The following PLEKHG5 variants were observed in gnomAD, a reference collection of about 807,000 sequenced individuals.
The protein encoded by PLEKHG5 is pleckstrin homology and RhoGEF domain containing G5, also known as pleckstrin homology domain-containing family G member 5.
Under a neutral mutation model 103.8 loss-of-function variants are expected in PLEKHG5, and 52 were observed. The observed-to-expected ratio is 0.50, with a 90% CI of 0.40 to 0.63. The LOEUF is 0.63. PLEKHG5 is among the 30% of genes least tolerant of loss of function. PLEKHG5 has a pLI of 0.00. For synonymous variants in PLEKHG5, 592 were observed against 575.5 expected (o/e 1.03, Z -0.41); for missense variants, 1,205 against 1,347.6 (o/e 0.89, Z 1.66).
chr1:6,471,593 C>G lies in PLEKHG5; in HGVS notation c.1176G>C (p.Gln392His). Residue 392 changes from glutamine to histidine, a missense_variant, in exon 12 of 21, where the codon CAG becomes CAC. Transcript: ENST00000377728. Reference protein sequence around the residue: ...RLFSNIPEIAQLHRRLWASVM... With the variant: ...RLFSNIPEIAHLHRRLWASVM... ...CGCTAGCCCACAGCCTGCGGTGCAGCTGCGCGATCTCCGGGATGTTGCTGA... is the reference window on the plus strand; with the variant it reads ...CGCTAGCCCACAGCCTGCGGTGCAGGTGCGCGATCTCCGGGATGTTGCTGA... 1 of 1,597,342 alleles carries G rather than the reference C, an allele frequency of 6.3e-7. No individual in the cohort carries two copies. Among genetic ancestry groups the G allele is most frequent in the African/African-American group, 1.3e-5 (1 of 74,820 alleles).
chr1:6,471,466 C>A, intron 12 of PLEKHG5, 22 bp downstream of exon 12: 1 of 1,606,208 alleles, frequency 6.2e-7, no homozygotes, highest in South Asian at 1.1e-5. Flanking sequence ...GTGCCCCCGC[C>A]TGCGCCCGGC....
rs915114221 is a variant in PLEKHG5 at position 6,471,379 on chromosome 1, G to A, written c.1281+109C>T. The A allele has an allele frequency of 2.3e-6, 3 of 1,288,126 alleles. No individual in the cohort carries two copies. In the South Asian group the frequency reaches 4.3e-5, roughly 19 times the overall value. The allele number at this position is 1,288,126 out of a possible 1,614,324, so 79.8% of individuals were successfully genotyped here. ...GCCACAAGGGGTCAAGTGCGGTTAC[G>A]GGCCTGGGGGAGGTTGGGGATGCTG... On this transcript the variant is annotated intron_variant, in intron 12 of 20. Transcript: ENST00000377728.
At chr1:6,509,348 G>A (rs535105392) in intron 1 of PLEKHG5, among the ~76,000 whole-genome samples, 14 of 152,380 alleles carry the variant, frequency 9.2e-5, no homozygotes, top group Middle Eastern at 3.4e-3. Context: ...GCTTCATCCC[G>A]TTCCTGGCAA....
intron 3 of PLEKHG5, 117 bp from the exon 4 acceptor site, chr1:6,475,639 C>A: frequency 1.1e-6 from 1 of 918,564 alleles, no homozygotes; most frequent in Non-Finnish European, 1.8e-6. Flanking sequence ...AGGTAACCCG[C>A]GTGGATTCAA....
Position 6,516,786 on chromosome 1 carries a change from T to TGTGTA in PLEKHG5, c.-165+2658_-165+2659insTACAC, listed in dbSNP as rs200942738. On this transcript the variant is annotated intron_variant, in intron 1 of 21. Transcript: ENST00000377740. ...ATATGTGTATATATATGTGTGTGTGTTATATATATGTGTATATATATGTGT... is the reference window on the plus strand; with the variant it reads ...ATATGTGTATATATATGTGTGTGTGTGTGTATATATATATGTGTATATATATGTGT... Among the ~76,000 whole-genome samples, 349 of 85,264 alleles carry TGTGTA rather than the reference T, an allele frequency of 4.1e-3. 5 individuals carry two copies. The highest frequency in any genetic ancestry group is 0.012 in the African/African-American group (336 of 27,822). The allele number at this position is 85,264 out of a possible 152,430, so 55.9% of individuals were successfully genotyped here. A position where few individuals can be genotyped will look rare whatever the true frequency, so the allele number is the denominator to read the frequency against.
chr1:6,503,268 C>A (rs1645315766), intron 1 of PLEKHG5, among the ~76,000 whole-genome samples: 1 of 152,130 alleles, frequency 6.6e-6, no homozygotes, highest in African/African-American at 2.4e-5. Context: ...CATTAAAAAA[C>A]CAGCAGGGCC....
chr1:6,506,969 G>A (rs1047022544), intron 1 of PLEKHG5, among the ~76,000 whole-genome samples: 5 of 152,246 alleles, frequency 3.3e-5, no homozygotes, highest in South Asian at 4.1e-4. Flanking sequence ...GCTCCCGAGC[G>A]GCGGGTGGAG....
rs552383826 is a variant in PLEKHG5 at position 6,480,454 on chromosome 1, G to A, written c.-87-2796C>T. ...CTGAGGCAGGAGAATTGCTTGAACC[G>A]GGGGCAGAGGTTGCAGTGAGCCGAG... On this transcript the variant is annotated intron_variant, in intron 1 of 20. Transcript: ENST00000377728. Among the ~76,000 whole-genome samples, 1,452 of 149,718 alleles carry A rather than the reference G, an allele frequency of 9.7e-3. 27 individuals carry two copies. The highest frequency in any genetic ancestry group is 0.034 in the African/African-American group (1,379 of 40,644).
rs1189305190 is a variant in PLEKHG5, at chr1:6,487,807, T to C, written c.-88+3830A>G. Among the ~76,000 whole-genome samples the C allele has an allele frequency of 1.3e-5, 2 of 152,230 alleles. No individual in the cohort carries two copies. Among genetic ancestry groups the C allele is most frequent in the Non-Finnish European group, 2.9e-5 (2 of 68,046 alleles). ...CATTCTTCCCTACCAGACTGTCCTC[T>C]CCAGAAGCCAGCGCCTTGGCCGTCT... On this transcript the variant is annotated intron_variant, in intron 1 of 20. Coordinates refer to ENST00000377728, the MANE Select transcript of PLEKHG5 (RefSeq NM_020631.6). This position sits in a 1 kb window ranked among gnomAD's most constrained non-coding sequence, Gnocchi z 4.1.
intron 20 of PLEKHG5, 104 bp downstream of exon 20, chr1:6,467,721 C>A: frequency 6.6e-7 from 1 of 1,509,394 alleles, no homozygotes; most frequent in Non-Finnish European, 9.2e-7. Flanking sequence ...AGGGTTCAGG[C>A]TCCCTCCGCC....
In PLEKHG5 at chr1:6,468,257, C is replaced by T. The variant is rs765235144; in HGVS notation, c.2579G>A (p.Arg860His). The T allele has an allele frequency of 7.8e-5, 125 of 1,602,382 alleles. No homozygotes were observed. The highest frequency in any genetic ancestry group is 1.0e-4 in the Non-Finnish European group (122 of 1,172,790). Reference sequence around the variant, plus strand: ...GCTCAACAGCTGGACAGGGGTGCGGCGGCGGAGACGGGGCGAGGGTGGAGG... The same window carrying T: ...GCTCAACAGCTGGACAGGGGTGCGGTGGCGGAGACGGGGCGAGGGTGGAGG... ...PSPPPSPRLR[R>H]RTPVQLLSCP... is the part of the protein sequence containing the mutation. The change falls in exon 20 of 21, where the codon CGC (arginine) becomes CAC (histidine). Residue 860 changes from arginine to histidine, a missense_variant. Transcript: ENST00000377728.
chr1:6,488,327 A>G (rs1645078626), intron 1 of PLEKHG5, among the ~76,000 whole-genome samples: 1 of 152,246 alleles, frequency 6.6e-6, no homozygotes, highest in Non-Finnish European at 1.5e-5. Flanking sequence ...AGCTGCTGCT[A>G]CGTAGGGAAA....
intron 1 of PLEKHG5, among the ~76,000 whole-genome samples, chr1:6,512,273 T>A (rs1273959101): frequency 1.3e-5 from 2 of 152,162 alleles, no homozygotes; most frequent in East Asian, 1.9e-4. Context: ...TGTGGGGTCA[T>A]CCCAGGCCGA....
upstream of PLEKHG5, among the ~76,000 whole-genome samples, chr1:6,498,745 G>T (rs1645263214): frequency 6.6e-6 from 1 of 152,170 alleles, no homozygotes; most frequent in South Asian, 2.1e-4. Context: ...GGAACTCTCA[G>T]GATCCTCAGG....
At chr1:6,495,967 G>A (rs1438387375), upstream of PLEKHG5, among the ~76,000 whole-genome samples, 4 of 152,060 alleles carry the variant, frequency 2.6e-5, no homozygotes, top group African/African-American at 7.3e-5. Flanking sequence ...TTTATACTTC[G>A]CCCCACTCCC....
chr1:6,496,767 A>G (rs150000355), upstream of PLEKHG5: 1 of 552,410 alleles, frequency 1.8e-6, no homozygotes, highest in Non-Finnish European at 3.1e-6. Flanking sequence ...TGCAGTCCTC[A>G]GGGAAATTAT....
chr1:6,511,977 C>G (rs886395702), intron 1 of PLEKHG5, among the ~76,000 whole-genome samples: 1 of 152,224 alleles, frequency 6.6e-6, no homozygotes, highest in Non-Finnish European at 1.5e-5. Context: ...AGCCCCCTTT[C>G]CCTGGCTGTC....
upstream of PLEKHG5, chr1:6,497,164 G>A: frequency 2.1e-6 from 2 of 935,764 alleles, no homozygotes; most frequent in East Asian, 2.7e-5. The surrounding 1 kb of genome is among the most constrained non-coding windows in gnomAD (Gnocchi z 6.1). Flanking sequence ...GCCGAGGCAG[G>A]CCCCGACTTG....
chr1:6,506,421 G>T (rs369229397), intron 1 of PLEKHG5, among the ~76,000 whole-genome samples: 64 of 152,270 alleles, frequency 4.2e-4, no homozygotes, highest in Admixed American at 1.3e-3. Context: ...TCGCCTTCCC[G>T]GCCCCCTCGG....
Sources: allele counts gnomAD v4.1 joint callset (sites outside exome capture counted in the v4.1 genomes callset), GRCh38; gene constraint gnomAD v4.1.1; non-coding constraint Gnocchi (gnomAD v3.1); transcripts MANE v1.5; gene names NCBI Gene and HGNC (gene_info 2026-07-23, HGNC 2026-07-21).